Variants in MRPL42 observed in about 807,000 individuals in gnomAD.
MRPL42 encodes large ribosomal subunit protein mL42.
A neutral mutation model predicts 17.9 loss-of-function variants in MRPL42; 17 were observed. The ratio of observed to expected loss-of-function variants is 0.95; its 90% CI spans 0.65 to 1.42. The LOEUF (loss-of-function observed/expected upper bound fraction) is 1.42, where lower values mean the gene tolerates loss of function less well. Ranked by LOEUF, MRPL42 falls within the 40% of genes most tolerant of loss-of-function variation. The pLI, the probability that MRPL42 is intolerant of heterozygous loss-of-function variation, is 0.00. For synonymous variants in MRPL42, 59 were observed against 54.4 expected (o/e 1.08, Z -0.37); for missense variants, 177 against 175.2 (o/e 1.01, Z -0.06).
chr12:93,477,648 G>A (rs1245013665), intron 3 of MRPL42, among the ~76,000 whole-genome samples: 1 of 151,988 alleles, frequency 6.6e-6, no homozygotes, highest in Non-Finnish European at 1.5e-5. Context: ...TCAGGCTGGA[G>A]AGCAGTGGTG....
Position 93,514,233 on chromosome 12 carries a change from C to T in MRPL42, c.*13012C>T, listed in dbSNP as rs1331260095. ...AGTAACTAGGAGTTCACTACGTTTC[C>T]ATGGACCTAACTCCAATAATGATTG... On this transcript the variant is annotated 3_prime_UTR_variant, in exon 6 of 6. Coordinates refer to ENST00000549982, the MANE Select transcript of MRPL42 (RefSeq NM_014050.4). The T allele has an allele frequency of 6.6e-6, 1 of 151,752 alleles. No homozygotes were observed. The highest frequency in any genetic ancestry group is 1.5e-5 in the Non-Finnish European group (1 of 68,024). 9.4% of individuals were successfully genotyped at this position (151,752 alleles called of 1,614,324 possible).
At chr12:93,489,385 C>G (rs1008965333) in intron 5 of MRPL42, among the ~76,000 whole-genome samples, 4 of 152,078 alleles carry the variant, frequency 2.6e-5, no homozygotes, top group Non-Finnish European at 5.9e-5. Flanking sequence ...TAAGAAGCCC[C>G]TTTCTTAATA....
In MRPL42 at chr12:93,473,722, C is replaced by T. The variant is rs141134633; in HGVS notation, c.71-3232C>T. On this transcript the variant is annotated intron_variant, in intron 2 of 5. Transcript: ENST00000549982. ...CTGGGATTACAGACGTGAGCCACTA[C>T]GCTTGGCCTATGTTTTGTATTTCTT... Among the ~76,000 whole-genome samples, 414 of 151,870 alleles carry T rather than the reference C, an allele frequency of 2.7e-3. 1 individual carries two copies. Among genetic ancestry groups the T allele is most frequent in the African/African-American group, 9.2e-3 (381 of 41,438 alleles).
Position 93,479,413 on chromosome 12 carries a change from G to A in MRPL42, c.160G>A (p.Asp54Asn). The A allele has an allele frequency of 6.2e-7, 1 of 1,610,164 alleles. No individual in the cohort carries two copies. Among genetic ancestry groups the A allele is most frequent in the Non-Finnish European group, 8.5e-7 (1 of 1,178,120 alleles). Residue 54 changes from aspartate to asparagine, a missense_variant, in exon 4 of 6, where the codon GAT becomes AAT. By Grantham distance (23) the Asp-to-Asn change is conservative (BLOSUM62 1). Coordinates refer to ENST00000549982, the MANE Select transcript of MRPL42 (RefSeq NM_014050.4). ...CAACGTAGAGCTTGCTCTGACTTCT[G>A]ATGGCAGGACAATAGTATGCTACCA... ...NCNVELALTS[D>N]GRTIVCYHPS...
chr12:93,472,194 C>T (rs1441745234), intron 2 of MRPL42, among the ~76,000 whole-genome samples: 2 of 152,036 alleles, frequency 1.3e-5, no homozygotes, highest in African/African-American at 4.8e-5. Context: ...AATTAGGTTA[C>T]CCTAGAAAAT....
chr12:93,500,808 C>A (rs1953576844), intron 5 of MRPL42: 1 of 158,502 alleles, frequency 6.3e-6, no homozygotes, highest in Non-Finnish European at 1.4e-5. Context: ...TAATAGTCAA[C>A]AACTTAGCCA....
chr12:93,485,706 G>A lies in MRPL42; in HGVS notation c.220-1791G>A, dbSNP rs145680010. Reference sequence around the variant, plus strand: ...AATATGTTACTTTCATTATGATAGCGTTATATAGTATTGAATGTTACAATC... The same window carrying A: ...AATATGTTACTTTCATTATGATAGCATTATATAGTATTGAATGTTACAATC... On this transcript the variant is annotated intron_variant, in intron 4 of 5. Transcript: ENST00000549982. 1.1e-3 allele frequency among the ~76,000 whole-genome samples: 161 copies of A among 152,106 alleles called. 1 individual carries two copies. In the East Asian group the frequency reaches 0.013, roughly 12 times the overall value.
intron 5 of MRPL42, among the ~76,000 whole-genome samples, chr12:93,488,658 C>T (rs1953357010): frequency 1.3e-5 from 2 of 152,032 alleles, no homozygotes; most frequent in East Asian, 1.9e-4. Flanking sequence ...GATTGGGCAG[C>T]GTATGTTGTT....
chr12:93,510,641 A>T lies in MRPL42; in HGVS notation c.*9420A>T, dbSNP rs941155868. 4 of 152,192 alleles carry T rather than the reference A, an allele frequency of 2.6e-5. No homozygotes were observed. The highest frequency in any genetic ancestry group is 9.7e-5 in the African/African-American group (4 of 41,446). 9.4% of individuals were successfully genotyped at this position (152,192 alleles called of 1,614,324 possible). On this transcript the variant is annotated 3_prime_UTR_variant, in exon 6 of 6. Transcript: ENST00000549982. The stretch of plus-strand genomic sequence containing the variant: ...TGTTCTGAATTTTGGCCATTCTAAA[A>T]GGTGTGTAGTGGTGTCTCACTTGTT...
chr12:93,512,816 A>G lies in MRPL42; in HGVS notation c.*11595A>G, dbSNP rs1488654204. 1 of 152,224 alleles carries G rather than the reference A, an allele frequency of 6.6e-6. No individual in the cohort carries two copies. Among genetic ancestry groups the G allele is most frequent in the African/African-American group, 2.4e-5 (1 of 41,462 alleles). The allele number at this position is 152,224 out of a possible 1,614,324, so 9.4% of individuals were successfully genotyped here. A position where few individuals can be genotyped will look rare whatever the true frequency, so the allele number is the denominator to read the frequency against. Reference sequence around the variant, plus strand: ...ATGTCTACATACGGCAAATTCATAGATCTGGAATCCATTTATGTCATCAAA... The same window carrying G: ...ATGTCTACATACGGCAAATTCATAGGTCTGGAATCCATTTATGTCATCAAA... On this transcript the variant is annotated 3_prime_UTR_variant, in exon 6 of 6. Coordinates refer to ENST00000549982, the MANE Select transcript of MRPL42 (RefSeq NM_014050.4).
At chr12:93,470,936 A>T (rs1879881648) in intron 2 of MRPL42, among the ~76,000 whole-genome samples, 2 of 152,212 alleles carry the variant, frequency 1.3e-5, no homozygotes, top group African/African-American at 2.4e-5. Context: ...GACTTTTTAA[A>T]TACAACTCTG....
intron 2 of MRPL42, among the ~76,000 whole-genome samples, chr12:93,475,336 G>A (rs1220976809): frequency 6.6e-6 from 1 of 151,786 alleles, no homozygotes; most frequent in Non-Finnish European, 1.5e-5. Flanking sequence ...GGCTGGTCTT[G>A]AACTCCTGAC....
chr12:93,497,006 G>A lies in MRPL42; in HGVS notation c.384-4170G>A, dbSNP rs570375229. Among the ~76,000 whole-genome samples the A allele has an allele frequency of 1.4e-4, 22 of 152,116 alleles. No individual in the cohort carries two copies. The South Asian group carries it at 3.9e-3, about 27-fold the overall frequency. ...CAAATTCCTGAAAACATACAACCTC[G>A]CATGTTTGAATCAGGAAGAAACTGA... On this transcript the variant is annotated intron_variant, in intron 5 of 5. Coordinates refer to ENST00000549982, the MANE Select transcript of MRPL42 (RefSeq NM_014050.4).
chr12:93,492,495 A>C (rs1331075281), intron 5 of MRPL42, among the ~76,000 whole-genome samples: 1 of 151,968 alleles, frequency 6.6e-6, no homozygotes, highest in Non-Finnish European at 1.5e-5. Flanking sequence ...TTGTTGATTT[A>C]AGTTCCTTAC....
At chr12:93,481,872 T>C (rs928554877) in intron 4 of MRPL42, among the ~76,000 whole-genome samples, 5 of 152,204 alleles carry the variant, frequency 3.3e-5, no homozygotes, top group African/African-American at 1.2e-4. Flanking sequence ...TCACAGTCCC[T>C]CATGTATCTC....
At position 93,478,971 on chromosome 12, in the gene MRPL42, G is replaced by T. The variant is rs1592770669; in HGVS notation, c.135-417G>T. ...TTTTGAGATGGAGTCTCATTCTTTT[G>T]CCCAGGCTGGAGTGCAGTGGCGTGA... On this transcript the variant is annotated intron_variant, in intron 3 of 5. Coordinates refer to ENST00000549982, the MANE Select transcript of MRPL42 (RefSeq NM_014050.4). 9.7e-5 allele frequency among the ~76,000 whole-genome samples: 14 copies of T among 144,332 alleles called. No homozygotes were observed. The South Asian group carries it at 2.2e-3, about 23-fold the overall frequency. 94.7% of individuals were successfully genotyped at this position (144,332 alleles called of 152,430 possible). A position where few individuals can be genotyped will look rare whatever the true frequency, so the allele number is the denominator to read the frequency against.
At position 93,510,505 on chromosome 12, in the gene MRPL42, T is replaced by C. The variant is rs1485375353; in HGVS notation, c.*9284T>C. ...TTGAATGCTAAGAGAATGTTTCGTT[T>C]TGTAAAAAACCACCAAACTGTCCTA... On this transcript the variant is annotated 3_prime_UTR_variant, in exon 6 of 6. Coordinates refer to ENST00000549982, the MANE Select transcript of MRPL42 (RefSeq NM_014050.4). 5.9e-5 allele frequency: 9 copies of C among 152,230 alleles called. No homozygotes were observed. Among genetic ancestry groups the C allele is most frequent in the Admixed American group, 3.9e-4 (6 of 15,278 alleles). 9.4% of individuals were successfully genotyped at this position (152,230 alleles called of 1,614,324 possible). A position where few individuals can be genotyped will look rare whatever the true frequency, so the allele number is the denominator to read the frequency against.
chr12:93,510,120 C>A lies in MRPL42; in HGVS notation c.*8899C>A, dbSNP rs535791963. ...TCGTCGTGTCCTCCCCACTGACCCC[C>A]GGCTACCACTGGTCTTTTCACTGTC... On this transcript the variant is annotated 3_prime_UTR_variant, in exon 6 of 6. Coordinates refer to ENST00000549982, the MANE Select transcript of MRPL42 (RefSeq NM_014050.4). 1 of 152,630 alleles carries A rather than the reference C, an allele frequency of 6.6e-6. No homozygotes were observed. Among genetic ancestry groups the A allele is most frequent in the Non-Finnish European group, 1.5e-5 (1 of 68,256 alleles). 9.5% of individuals were successfully genotyped at this position (152,630 alleles called of 1,614,324 possible). A position where few individuals can be genotyped will look rare whatever the true frequency, so the allele number is the denominator to read the frequency against.
chr12:93,482,649 A>G (rs1880514762), intron 4 of MRPL42, among the ~76,000 whole-genome samples: 1 of 152,188 alleles, frequency 6.6e-6, no homozygotes, highest in Non-Finnish European at 1.5e-5. Context: ...TCTTGAGAAC[A>G]TGTTACTATT....
Sources: allele counts gnomAD v4.1 joint callset (sites outside exome capture counted in the v4.1 genomes callset), GRCh38; gene constraint gnomAD v4.1.1; transcripts MANE v1.5; gene names NCBI Gene and HGNC (gene_info 2026-07-23, HGNC 2026-07-21).